The following PLEKHH2 variants were observed in gnomAD, a reference collection of about 807,000 sequenced individuals.
PLEKHH2 encodes pleckstrin homology domain-containing family H member 2.
A neutral mutation model predicts 187.9 loss-of-function variants in PLEKHH2; 129 were observed. That is an observed-to-expected ratio of 0.69 (90% confidence interval 0.59 to 0.79). The LOEUF is 0.79. PLEKHH2 is among the 30% of genes least tolerant of loss of function. The pLI, the probability that PLEKHH2 is intolerant of heterozygous loss-of-function variation, is 0.00. For synonymous variants in PLEKHH2, 686 were observed against 605.6 expected (o/e 1.13, Z -1.95); for missense variants, 2,076 against 1,751.2 (o/e 1.19, Z -3.31).
intron 3 of PLEKHH2, chr2:43,681,335 C>G: frequency 1.9e-6 from 2 of 1,069,124 alleles, no homozygotes; most frequent in East Asian, 4.8e-5. Context: ...GTTCTCAGCT[C>G]CATTGGGGTC....
chr2:43,729,748 A>G lies in PLEKHH2; in HGVS notation c.2830+3A>G, dbSNP rs1670948245. On this transcript the variant is annotated splice_donor_region_variant and intron_variant, in intron 18 of 29. Transcript: ENST00000282406. ...GCTAAATATAGACGGGGAGCCTTGT[A>G]AGTTCATAAACATATAAATAAAGCT... 1.3e-6 allele frequency: 2 copies of G among 1,575,328 alleles called. No individual in the cohort carries two copies. The highest frequency in any genetic ancestry group is 1.8e-5 in the Admixed American group (1 of 55,132).
chr2:43,729,070 C>G (rs1272392610), intron 17 of PLEKHH2, among the ~76,000 whole-genome samples: 1 of 152,052 alleles, frequency 6.6e-6, no homozygotes, highest in Non-Finnish European at 1.5e-5. Flanking sequence ...GCCATTAAAA[C>G]TTGTTTATAA....
chr2:43,639,652 T>TACAATGGAA (rs1703276668), intron 1 of PLEKHH2, among the ~76,000 whole-genome samples: 1 of 26,446 alleles, frequency 3.8e-5, no homozygotes, highest in Non-Finnish European at 9.1e-5. Context: ...ATGTACCACT[T>TACAATGGAA]TTTTTTTTTT....
chr2:43,677,110 T>C (rs1472497727), intron 2 of PLEKHH2, among the ~76,000 whole-genome samples: 1 of 152,242 alleles, frequency 6.6e-6, no homozygotes, highest in Non-Finnish European at 1.5e-5. Context: ...TGATCAACTT[T>C]TAAATATGCA....
At position 43,710,310 on chromosome 2, in the gene PLEKHH2, T is replaced by C; in HGVS notation, c.2194T>C (p.Leu732=). The C allele has an allele frequency of 3.1e-6, 5 of 1,613,870 alleles. No homozygotes were observed. Among genetic ancestry groups the C allele is most frequent in the Non-Finnish European group, 4.2e-6 (5 of 1,179,766 alleles). The stretch of plus-strand genomic sequence containing the variant: ...GTGGTTTGTTCTTAAAGGTGGTGAA[T>C]TACTTTACTACAAATCTCCGGTGAG... The part of the protein sequence containing the change: ...RRWFVLKGGE[L]LYYKSPSDVI... Residue 732 remains leucine, a synonymous_variant, in exon 13 of 30, where the codon TTA becomes CTA. Coordinates refer to ENST00000282406, the MANE Select transcript of PLEKHH2 (RefSeq NM_172069.4).
intron 9 of PLEKHH2, 68 bp downstream of exon 9, chr2:43,704,124 C>A: frequency 1.8e-6 from 2 of 1,090,092 alleles, no homozygotes; most frequent in Non-Finnish European, 2.8e-6. Flanking sequence ...TAGTATAATA[C>A]AAATACATGG....
chr2:43,699,854 A>C lies in PLEKHH2; in HGVS notation c.896A>C (p.Lys299Thr). 1 of 1,614,152 alleles carries C rather than the reference A, an allele frequency of 6.2e-7. No individual in the cohort carries two copies. The highest frequency in any genetic ancestry group is 1.1e-5 in the South Asian group (1 of 91,072). The change falls in exon 8 of 30, where the codon AAG becomes ACG. Residue 299 changes from lysine to threonine, a missense_variant. Physicochemically the swap from Lys to Thr is moderately conservative, Grantham distance 78. Coordinates refer to ENST00000282406, the MANE Select transcript of PLEKHH2 (RefSeq NM_172069.4). The part of the protein sequence containing the change: ...DEEDGSKGRS[K>T]SRCTSTLSSH... ...GAAGACGGGAGCAAAGGAAGATCCA[A>C]GTCCAGATGCACATCCACCCTCTCC...
intron 16 of PLEKHH2, among the ~76,000 whole-genome samples, chr2:43,725,983 T>A (rs948242936): frequency 6.6e-6 from 1 of 151,648 alleles, no homozygotes; most frequent in Non-Finnish European, 1.5e-5. Context: ...CTGGGCATGG[T>A]GGCATGTGCC....
intron 26 of PLEKHH2, among the ~76,000 whole-genome samples, chr2:43,758,610 T>C (rs1348921515): frequency 6.6e-6 from 1 of 152,222 alleles, no homozygotes. Context: ...TAAACTAATT[T>C]ACGCTAAGTT....
At chr2:43,753,503 C>T (rs977770727) in intron 24 of PLEKHH2, 116 bp from the exon 25 acceptor site, 7 of 717,032 alleles carry the variant, frequency 9.8e-6, no homozygotes, top group Non-Finnish European at 1.4e-5. Context: ...AGTCTAAGTT[C>T]ATACCACTTA....
intron 15 of PLEKHH2, among the ~76,000 whole-genome samples, chr2:43,714,457 A>G (rs1670118827): frequency 1.3e-5 from 2 of 152,198 alleles, no homozygotes; most frequent in African/African-American, 2.4e-5. Context: ...AGCTTCCCTC[A>G]GTTATTCTGA....
At chr2:43,645,479 C>A (rs890842715) in intron 2 of PLEKHH2, among the ~76,000 whole-genome samples, 6 of 152,038 alleles carry the variant, frequency 3.9e-5, no homozygotes, top group Non-Finnish European at 7.4e-5. Flanking sequence ...GAATTCTAGA[C>A]CTCTGCTGTC....
intron 29 of PLEKHH2, 88 bp downstream of exon 29, chr2:43,764,453 T>G (rs1189223140): frequency 1.4e-6 from 2 of 1,382,942 alleles, no homozygotes; most frequent in Non-Finnish European, 2.0e-6. Flanking sequence ...GCTAATTGTT[T>G]TCATATTAAA....
At chr2:43,656,526 T>C (rs1666775766) in intron 2 of PLEKHH2, among the ~76,000 whole-genome samples, 1 of 152,068 alleles carries the variant, frequency 6.6e-6, no homozygotes. Context: ...ACCAGATAGA[T>C]GATCACAGGA....
At chr2:43,747,176 G>C (rs1345381107) in intron 24 of PLEKHH2, among the ~76,000 whole-genome samples, 1 of 149,762 alleles carries the variant, frequency 6.7e-6, no homozygotes, top group Non-Finnish European at 1.5e-5. Flanking sequence ...TCACTTAGCT[G>C]GATGCTATAA....
intron 18 of PLEKHH2, 104 bp downstream of exon 18, chr2:43,729,849 A>G: frequency 1.5e-6 from 1 of 655,562 alleles, no homozygotes; most frequent in Non-Finnish European, 2.4e-6. Flanking sequence ...TTTCCCTGAA[A>G]TATACCCACC....
chr2:43,646,162 A>G (rs1666175362), intron 2 of PLEKHH2, among the ~76,000 whole-genome samples: 1 of 152,196 alleles, frequency 6.6e-6, no homozygotes, highest in South Asian at 2.1e-4. Context: ...TATTGATATT[A>G]CATCAAAATT....
At chr2:43,763,743 G>A (rs1024599045) in intron 28 of PLEKHH2, among the ~76,000 whole-genome samples, 2 of 152,004 alleles carry the variant, frequency 1.3e-5, no homozygotes, top group Non-Finnish European at 2.9e-5. Flanking sequence ...AAAAATATTT[G>A]CTGCATATGT....
In PLEKHH2 at chr2:43,765,411, A is replaced by C. The variant is rs1419233774; in HGVS notation, c.4297-2A>C. ...AAAACAATTCTGTTTTCCTTGTTTT[A>C]GATTCTTGAAATCACTCTTTTGATC... On this transcript the variant is annotated splice_acceptor_variant, in intron 29 of 29. Transcript: ENST00000282406. LOFTEE classifies it high-confidence loss of function. 1 of 1,613,690 alleles carries C rather than the reference A, an allele frequency of 6.2e-7. No individual in the cohort carries two copies. The highest frequency in any genetic ancestry group is 1.1e-5 in the South Asian group (1 of 91,042).
Sources: gnomAD v4.1 joint callset for allele counts (sites outside exome capture counted in the v4.1 genomes callset) on GRCh38, gnomAD v4.1.1 for gene constraint, MANE v1.5 for transcripts, NCBI Gene and HGNC (gene_info 2026-07-23, HGNC 2026-07-21) for gene names.